Variants in CCDC126 observed in about 807,000 individuals in gnomAD.
The protein encoded by CCDC126 is coiled-coil domain containing 126, also known as coiled-coil domain-containing protein 126.
In CCDC126, 5 loss-of-function variants were observed where a neutral mutation model predicts 11.7. That is an observed-to-expected ratio of 0.43 (90% CI 0.22 to 0.90). The LOEUF (loss-of-function observed/expected upper bound fraction) is 0.90, where lower values mean the gene tolerates loss of function less well. Ranked by LOEUF, CCDC126 falls within the 40% of genes least tolerant of loss-of-function variation. CCDC126 has a pLI of 0.27. For synonymous variants in CCDC126, 60 were observed against 61.9 expected (o/e 0.97, Z 0.14); for missense variants, 150 against 163.1 (o/e 0.92, Z 0.44).
intron 3 of CCDC126, among the ~76,000 whole-genome samples, chr7:23,613,532 T>A (rs528749678): frequency 6.6e-6 from 1 of 152,340 alleles, no homozygotes; most frequent in South Asian, 2.1e-4. Flanking sequence ...TTATAGGTGT[T>A]ATCTGTTAAC....
intron 3 of CCDC126, among the ~76,000 whole-genome samples, chr7:23,614,003 G>C (rs112834232): frequency 5.1e-4 from 78 of 152,316 alleles, no homozygotes; most frequent in African/African-American, 1.9e-3. Flanking sequence ...ATCTTGCCTT[G>C]ATGTCAAAGG....
At chr7:23,625,343 C>T (rs532282122) in intron 3 of CCDC126, among the ~76,000 whole-genome samples, 9 of 152,074 alleles carry the variant, frequency 5.9e-5, no homozygotes, top group Non-Finnish European at 2.9e-5. Flanking sequence ...CAAGGATGTG[C>T]ACACGTTAAA....
chr7:23,603,737 A>T (rs796610056), intron 2 of CCDC126, among the ~76,000 whole-genome samples: 8 of 152,308 alleles, frequency 5.3e-5, no homozygotes, highest in African/African-American at 1.9e-4. Context: ...AACTCATTGC[A>T]GAGAGGTCAC....
At chr7:23,637,259 G>C (rs1434162656) in intron 3 of CCDC126, among the ~76,000 whole-genome samples, 25 of 1,602 alleles carry the variant, frequency 0.016, 4 homozygotes, top group Admixed American at 0.11. Flanking sequence ...AGGTGGGGGG[G>C]GTCAGCCCCC....
At chr7:23,603,381 A>G (rs1367185614) in intron 2 of CCDC126, among the ~76,000 whole-genome samples, 1 of 152,248 alleles carries the variant, frequency 6.6e-6, no homozygotes, top group Non-Finnish European at 1.5e-5. Flanking sequence ...AACTGCCATT[A>G]CTATTTTCTG....
Position 23,643,330 on chromosome 7 carries a change from A to G in CCDC126, c.*215A>G, listed in dbSNP as rs1244175467. 3.9e-5 allele frequency: 16 copies of G among 411,586 alleles called. No individual in the cohort carries two copies. Among genetic ancestry groups the G allele is most frequent in the Middle Eastern group, 6.1e-4 (1 of 1,652 alleles). The allele number at this position is 411,586 out of a possible 1,614,324, so 25.5% of individuals were successfully genotyped here. On this transcript the variant is annotated 3_prime_UTR_variant, in exon 4 of 4. Transcript: ENST00000307471. ...AGGCAAGTCTGTTCAATGCTGTACT[A>G]TGTCCTTAAAGAGAATTTGGTAATT...
chr7:23,613,294 C>G (rs148652385), intron 3 of CCDC126, among the ~76,000 whole-genome samples: 157 of 151,658 alleles, frequency 1.0e-3, no homozygotes, highest in African/African-American at 3.7e-3. Flanking sequence ...GCCTGGGTGA[C>G]AGAGTGAGAC....
rs189933556 is a variant in CCDC126, at chr7:23,606,248, C to T, written c.-145-4923C>T. The stretch of plus-strand genomic sequence containing the variant: ...TAATTTTTTGTATTTTTAGTAGAGA[C>T]GGGGTTTCATCATGTTAGCCAGGAT... On this transcript the variant is annotated intron_variant, in intron 2 of 3. Transcript: ENST00000307471. Among the ~76,000 whole-genome samples the T allele has an allele frequency of 2.8e-3, 425 of 151,912 alleles. 3 individuals are homozygous for T. The highest frequency in any genetic ancestry group is 8.3e-3 in the African/African-American group (342 of 41,422).
chr7:23,614,120 GA>G (rs1414751360), intron 3 of CCDC126, among the ~76,000 whole-genome samples: 1 of 152,120 alleles, frequency 6.6e-6, no homozygotes, highest in Non-Finnish European at 1.5e-5. Flanking sequence ...CTTCATGAAA[GA>G]TTTTTTTTGT....
intron 3 of CCDC126, among the ~76,000 whole-genome samples, chr7:23,638,863 CAAAAAAAAAAAA>C (rs61374394): frequency 1.8e-5 from 2 of 108,576 alleles, no homozygotes; most frequent in Admixed American, 1.0e-4. Flanking sequence ...AATAAATTAA[CAAAAAAAAAAAA>C]AAAAAAAAAA....
intron 2 of CCDC126, among the ~76,000 whole-genome samples, chr7:23,605,314 A>G (rs1562828456): frequency 6.6e-6 from 1 of 152,096 alleles, no homozygotes; most frequent in African/African-American, 2.4e-5. Flanking sequence ...TGCATGTTGT[A>G]AAGGTTGGTA....
At chr7:23,631,033 C>A (rs1783101708) in intron 3 of CCDC126, among the ~76,000 whole-genome samples, 1 of 151,812 alleles carries the variant, frequency 6.6e-6, no homozygotes, top group African/African-American at 2.4e-5. Flanking sequence ...GATTTATGCA[C>A]TAAGTGCATA....
rs143394597 is a variant in CCDC126 at position 23,631,420 on chromosome 7, A to T, written c.239-11511A>T. On this transcript the variant is annotated intron_variant, in intron 3 of 3. Transcript: ENST00000307471. ...AATGGATCAATTTCTCAAAAAACAAATTGCCGCAATCCACCCAATATGAAA... is the reference window on the plus strand; with the variant it reads ...AATGGATCAATTTCTCAAAAAACAATTTGCCGCAATCCACCCAATATGAAA... Among the ~76,000 whole-genome samples the T allele has an allele frequency of 1.8e-4, 27 of 152,314 alleles. 2 individuals carry two copies. Among genetic ancestry groups the T allele is most frequent in the African/African-American group, 4.6e-4 (19 of 41,576 alleles).
chr7:23,644,120 AAG>A lies in CCDC126; in HGVS notation c.*1008_*1009del, dbSNP rs1297341950. On this transcript the variant is annotated 3_prime_UTR_variant, in exon 4 of 4. Transcript: ENST00000307471. ...GGAAAATGTTAACATTATATTATAT[AAG>A]AGTATCCTTTATGAAATTTTGAATT... The A allele has an allele frequency of 2.6e-5, 4 of 152,140 alleles. No individual in the cohort carries two copies. Among genetic ancestry groups the A allele is most frequent in the South Asian group, 4.2e-4 (2 of 4,800 alleles). The allele number at this position is 152,140 out of a possible 1,614,324, so 9.4% of individuals were successfully genotyped here.
chr7:23,643,786 T>C lies in CCDC126; in HGVS notation c.*671T>C, dbSNP rs887131671. ...CACTGTCCATTACCTATCGTAAACA[T>C]TGGGGCAATTTAATAACAGCATTAA... On this transcript the variant is annotated 3_prime_UTR_variant, in exon 4 of 4. Transcript: ENST00000307471. 4.6e-5 allele frequency: 7 copies of C among 152,264 alleles called. No individual in the cohort carries two copies. The highest frequency in any genetic ancestry group is 1.7e-4 in the African/African-American group (7 of 41,420). 9.4% of individuals were successfully genotyped at this position (152,264 alleles called of 1,614,324 possible).
intron 3 of CCDC126, among the ~76,000 whole-genome samples, chr7:23,623,911 C>T (rs545059634): frequency 1.8e-4 from 28 of 152,224 alleles, no homozygotes; most frequent in Admixed American, 1.8e-3. Flanking sequence ...AATAAAAACC[C>T]CCTGCACATC....
At chr7:23,639,495 G>A (rs1452728699) in intron 3 of CCDC126, among the ~76,000 whole-genome samples, 5 of 152,084 alleles carry the variant, frequency 3.3e-5, no homozygotes, top group African/African-American at 4.8e-5. Context: ...GTGAGCCATC[G>A]CACCCAGTCC....
At chr7:23,641,246 C>T (rs910711540) in intron 3 of CCDC126, among the ~76,000 whole-genome samples, 9 of 152,058 alleles carry the variant, frequency 5.9e-5, no homozygotes, top group Non-Finnish European at 1.2e-4. Context: ...GTTTGTATTT[C>T]CATAGTGGCC....
At chr7:23,620,703 TG>T (rs1261121120) in intron 3 of CCDC126, among the ~76,000 whole-genome samples, 2 of 152,250 alleles carry the variant, frequency 1.3e-5, no homozygotes, top group Non-Finnish European at 2.9e-5. Context: ...AGGGTTTTTA[TG>T]GTTTTAGGTC....
Sources: gnomAD v4.1 joint callset for allele counts (sites outside exome capture counted in the v4.1 genomes callset) on GRCh38, gnomAD v4.1.1 for gene constraint, MANE v1.5 for transcripts, NCBI Gene and HGNC (gene_info 2026-07-23, HGNC 2026-07-21) for gene names.